POGZ: variants seen among roughly 807,000 people sequenced by gnomAD.
The protein encoded by POGZ is pogo transposable element with ZNF domain.
A neutral mutation model predicts 134.6 loss-of-function variants in POGZ; 17 were observed. That is an observed-to-expected ratio of 0.13 (90% CI 0.09 to 0.19). The LOEUF (loss-of-function observed/expected upper bound fraction) is 0.19, where lower values mean the gene tolerates loss of function less well. Among genes scored for constraint, POGZ ranks in the 10% least tolerant of loss-of-function variants. The pLI is 1.00. For synonymous variants in POGZ, 693 were observed against 657.1 expected (o/e 1.05, Z -0.84); for missense variants, 1,306 against 1,769.7 (o/e 0.74, Z 4.70).
At chr1:151,416,145 T>C (rs1655608092) in intron 10 of POGZ, among the ~76,000 whole-genome samples, 2 of 125,814 alleles carry the variant, frequency 1.6e-5, no homozygotes, top group South Asian at 5.1e-4. Flanking sequence ...GACGCGGAGG[T>C]TGCAGTGAGC....
chr1:151,458,343 A>G (rs1663018250), intron 1 of POGZ, among the ~76,000 whole-genome samples: 1 of 152,086 alleles, frequency 6.6e-6, no homozygotes, highest in Non-Finnish European at 1.5e-5. Flanking sequence ...GAAAATAAAG[A>G]TTCCCCGCCT....
chr1:151,403,869 G>T lies in POGZ; in HGVS notation c.*933C>A. The T allele has an allele frequency of 1.0e-6, 1 of 985,438 alleles. No homozygotes were observed. Among genetic ancestry groups the T allele is most frequent in the Non-Finnish European group, 1.2e-6 (1 of 829,912 alleles). 61.0% of individuals were successfully genotyped at this position (985,438 alleles called of 1,614,324 possible). A position where few individuals can be genotyped will look rare whatever the true frequency, so the allele number is the denominator to read the frequency against. On this transcript the variant is annotated 3_prime_UTR_variant, in exon 19 of 19. Transcript: ENST00000271715. ...AGTAAAGCAGGGACTGCCCCTGGGG[G>T]CTTACAGGATGAAGACTCAAACTGG...
At position 151,406,448 on chromosome 1, in the gene POGZ, C is replaced by A; in HGVS notation, c.2587G>T (p.Asp863Tyr). 1 of 1,550,164 alleles carries A rather than the reference C, an allele frequency of 6.5e-7. No individual in the cohort carries two copies. The highest frequency in any genetic ancestry group is 1.3e-5 in the South Asian group (1 of 79,798). Residue 863 changes from aspartate to tyrosine, a missense_variant, in exon 19 of 19, where the codon GAC (aspartate) becomes TAC (tyrosine). Physicochemically the swap from Asp to Tyr is radical, Grantham distance 160. Transcript: ENST00000271715. ...IAHSRHGQTR[D>Y]RVHDRNVKNM... The stretch of plus-strand genomic sequence containing the variant: ...TTCACGTTCCGGTCATGCACTCGGT[C>A]ACGAGTCTGGCCATGCCTAAAGGGG...
intron 3 of POGZ, among the ~76,000 whole-genome samples, chr1:151,432,817 T>C (rs935617908): frequency 5.3e-5 from 8 of 152,182 alleles, no homozygotes; most frequent in African/African-American, 1.9e-4. Flanking sequence ...TCCTGAACAT[T>C]ATAATAATTA....
Position 151,430,761 on chromosome 1 carries a change from T to C in POGZ, c.364A>G (p.Thr122Ala). 6.2e-7 allele frequency: 1 copy of C among 1,604,494 alleles called. No individual in the cohort carries two copies. Among genetic ancestry groups the C allele is most frequent in the Middle Eastern group, 1.7e-4 (1 of 6,030 alleles). ...NPAPGLGTMV[T>A]QPVLRPVQVM... is the part of the protein sequence containing the mutation. Reference sequence around the variant, plus strand: ...TGAACAGGCCTCAATACTGGTTGAGTAACCATTGTGCCCAGACCTGGGGCT... The same window carrying C: ...TGAACAGGCCTCAATACTGGTTGAGCAACCATTGTGCCCAGACCTGGGGCT... Residue 122 changes from threonine (T) to alanine (A), a missense_variant, in exon 4 of 19, where the codon ACT (threonine) becomes GCT (alanine). Thr to Ala is a moderately conservative substitution (Grantham distance 58, BLOSUM62 0). Coordinates refer to ENST00000271715, the MANE Select transcript of POGZ (RefSeq NM_015100.4).
intron 1 of POGZ, among the ~76,000 whole-genome samples, chr1:151,443,552 T>C (rs936503617): frequency 1.3e-5 from 2 of 151,956 alleles, no homozygotes; most frequent in African/African-American, 4.8e-5. Flanking sequence ...CCATCTCTAC[T>C]AAAAACATAA....
chr1:151,428,861 C>T (rs185683667), intron 5 of POGZ, among the ~76,000 whole-genome samples: 2 of 152,086 alleles, frequency 1.3e-5, no homozygotes, highest in East Asian at 3.9e-4. Context: ...CTAGGATGTC[C>T]CAAAGAGGAA....
chr1:151,409,812 T>C (rs1654351305), intron 12 of POGZ, among the ~76,000 whole-genome samples: 4 of 152,232 alleles, frequency 2.6e-5, no homozygotes, highest in Admixed American at 2.6e-4. Flanking sequence ...CACATCAGTA[T>C]ATACAGATAT....
In POGZ at chr1:151,408,012, CAAA is replaced by C. The variant is rs776996426; in HGVS notation, c.2375+85_2375+87del. The C allele has an allele frequency of 2.8e-4, 255 of 910,222 alleles. 1 individual carries two copies. In the African/African-American group the frequency reaches 3.9e-3, roughly 14 times the overall value. The allele number at this position is 910,222 out of a possible 1,614,324, so 56.4% of individuals were successfully genotyped here. On this transcript the variant is annotated intron_variant, in intron 15 of 18. Coordinates refer to ENST00000271715, the MANE Select transcript of POGZ (RefSeq NM_015100.4). The stretch of plus-strand genomic sequence containing the variant: ...AGGGGACAGAGTGAGACCCTGTCTT[CAAA>C]AAAAAAAAAAAAAAAAGAAGAAGAA...
At chr1:151,434,967 C>G (rs1659335488) in intron 3 of POGZ, among the ~76,000 whole-genome samples, 1 of 151,548 alleles carries the variant, frequency 6.6e-6, no homozygotes, top group African/African-American at 2.4e-5. Context: ...ATGGCATGAC[C>G]TCAGCTCACT....
intron 3 of POGZ, chr1:151,438,923 C>T (rs1027538409): frequency 6.6e-6 from 1 of 152,068 alleles, no homozygotes; most frequent in African/African-American, 2.4e-5. Context: ...CAGTATGGGC[C>T]TTGGAACCCT....
intron 10 of POGZ, among the ~76,000 whole-genome samples, chr1:151,417,725 CA>C (rs1656030977): frequency 7.4e-6 from 1 of 135,384 alleles, no homozygotes; most frequent in Non-Finnish European, 1.5e-5. Context: ...CACACACACA[CA>C]CACAAAAGGC....
rs982876300 is a variant in POGZ, at chr1:151,403,629, T to A, written c.*1173A>T. 1 of 985,688 alleles carries A rather than the reference T, an allele frequency of 1.0e-6. No individual in the cohort carries two copies. 61.1% of individuals were successfully genotyped at this position (985,688 alleles called of 1,614,324 possible). On this transcript the variant is annotated 3_prime_UTR_variant, in exon 19 of 19. Transcript: ENST00000271715. ...GAAGCTGGCAGTGAAAAATAAAGAT[T>A]CATGTCATTTTCTTTGTGCACACCC...
chr1:151,418,598 G>A (rs1656215092), intron 10 of POGZ, among the ~76,000 whole-genome samples: 1 of 152,130 alleles, frequency 6.6e-6, no homozygotes, highest in Admixed American at 6.5e-5. Context: ...AATGTTTCTA[G>A]CATAAACACA....
intron 7 of POGZ, 74 bp from the exon 8 acceptor site, chr1:151,425,135 A>T (rs996885064): frequency 1.3e-6 from 1 of 759,062 alleles, no homozygotes; most frequent in African/African-American, 1.7e-5. Context: ...TTTGGGAAAA[A>T]GTCAAACACT....
At chr1:151,416,658 C>CT (rs1357266473) in intron 10 of POGZ, among the ~76,000 whole-genome samples, 5 of 144,710 alleles carry the variant, frequency 3.5e-5, no homozygotes, top group Non-Finnish European at 6.0e-5. Flanking sequence ...GGGCCTTACT[C>CT]TGTCACCCAG....
intron 1 of POGZ, among the ~76,000 whole-genome samples, chr1:151,449,104 T>C (rs750672595): frequency 3.3e-5 from 5 of 152,146 alleles, no homozygotes; most frequent in Admixed American, 6.5e-5. Flanking sequence ...AACCTTCAAT[T>C]AAATTCCCAA....
Position 151,403,546 on chromosome 1 carries a change from G to T in POGZ, c.*1256C>A. ...ACAGTACGTTTTGGTTTACAACCAT[G>T]AGTACATACAATTAAAAAAATCCCT... On this transcript the variant is annotated 3_prime_UTR_variant, in exon 19 of 19. Coordinates refer to ENST00000271715, the MANE Select transcript of POGZ (RefSeq NM_015100.4). The T allele has an allele frequency of 1.0e-6, 1 of 985,354 alleles. No individual in the cohort carries two copies. The highest frequency in any genetic ancestry group is 1.2e-6 in the Non-Finnish European group (1 of 829,502). 61.0% of individuals were successfully genotyped at this position (985,354 alleles called of 1,614,324 possible).
At chr1:151,431,037 G>A (rs1219553919) in intron 3 of POGZ, among the ~76,000 whole-genome samples, 196 bp from the exon 4 acceptor site, 1 of 151,972 alleles carries the variant, frequency 6.6e-6, no homozygotes, top group Non-Finnish European at 1.5e-5. Context: ...CTGGGCTCAG[G>A]TGATTCTTCC....
Sources: allele counts gnomAD v4.1 joint callset (sites outside exome capture counted in the v4.1 genomes callset), GRCh38; gene constraint gnomAD v4.1.1; transcripts MANE v1.5; gene names NCBI Gene and HGNC (gene_info 2026-07-23, HGNC 2026-07-21).